TTC39B: variants seen among roughly 807,000 people sequenced by gnomAD.
TTC39B encodes the protein tetratricopeptide repeat domain 39B.
TTC39B carries 92 observed loss-of-function variants against 96.6 expected under a neutral mutation model. The ratio of observed to expected loss-of-function variants is 0.95; its 90% CI spans 0.80 to 1.13. The LOEUF (loss-of-function observed/expected upper bound fraction) is 1.13. TTC39B is among the 50% of genes most tolerant of loss of function. TTC39B has a pLI of 0.00. For synonymous variants in TTC39B, 367 were observed against 299.4 expected (o/e 1.23, Z -2.33); for missense variants, 955 against 809.3 (o/e 1.18, Z -2.18).
chr9:15,241,307 A>AG (rs1564380078), intron 2 of TTC39B, among the ~76,000 whole-genome samples: 2 of 151,986 alleles, frequency 1.3e-5, no homozygotes, highest in Non-Finnish European at 2.9e-5. Context: ...AAAAAAAAAA[A>AG]CTCTGCAAAA....
At chr9:15,281,625 C>CAAAAAAAAAAAAAAAAAAAAAAAA (rs1161175672) in intron 1 of TTC39B, among the ~76,000 whole-genome samples, 2 of 49,008 alleles carry the variant, frequency 4.1e-5, no homozygotes, top group African/African-American at 1.9e-4. Flanking sequence ...CCTGCAACAG[C>CAAAAAAAAAAAAAAAAAAAAAAAA]AAAAAAAAAA....
chr9:15,279,801 C>T (rs1296751517), intron 1 of TTC39B, among the ~76,000 whole-genome samples: 2 of 151,582 alleles, frequency 1.3e-5, no homozygotes, highest in Non-Finnish European at 2.9e-5. Flanking sequence ...ATAGATCAGT[C>T]TATTACTATT....
At chr9:15,200,520 T>G (rs1192687372) in intron 7 of TTC39B, among the ~76,000 whole-genome samples, 1 of 152,260 alleles carries the variant, frequency 6.6e-6, no homozygotes, top group Non-Finnish European at 1.5e-5. Flanking sequence ...CTGATTGTCA[T>G]CGACCATAAA....
chr9:15,233,589 C>G (rs574235475), intron 2 of TTC39B, among the ~76,000 whole-genome samples: 1 of 151,572 alleles, frequency 6.6e-6, no homozygotes, highest in Non-Finnish European at 1.5e-5. Context: ...AGCTCCTAAC[C>G]GCCAGTGATC....
chr9:15,201,432 T>C (rs1164656552), intron 7 of TTC39B, among the ~76,000 whole-genome samples: 1 of 152,132 alleles, frequency 6.6e-6, no homozygotes, highest in East Asian at 1.9e-4. Flanking sequence ...ATGCATGGGA[T>C]GTCATGAGAA....
intron 2 of TTC39B, among the ~76,000 whole-genome samples, chr9:15,255,755 G>A (rs770791545): frequency 3.3e-5 from 5 of 152,128 alleles, no homozygotes; most frequent in Non-Finnish European, 7.4e-5. Flanking sequence ...TATGGATAGT[G>A]TTTACTATGC....
At chr9:15,303,048 G>C (rs1357997935) in intron 1 of TTC39B, among the ~76,000 whole-genome samples, 3 of 149,200 alleles carry the variant, frequency 2.0e-5, no homozygotes, top group Non-Finnish European at 4.5e-5. Context: ...CGCACATGTA[G>C]TCCCAGCTAC....
At chr9:15,285,302 C>T (rs974335246) in intron 1 of TTC39B, among the ~76,000 whole-genome samples, 1 of 151,910 alleles carries the variant, frequency 6.6e-6, no homozygotes, top group Non-Finnish European at 1.5e-5. Context: ...CCTTTCATGC[C>T]CAGTGTATTT....
intron 4 of TTC39B, 137 bp downstream of exon 4, chr9:15,214,002 C>T: frequency 1.9e-6 from 1 of 525,486 alleles, no homozygotes; most frequent in Non-Finnish European, 3.2e-6. Context: ...TAAAAGTGAC[C>T]AAAGTAAAGA....
chr9:15,210,013 C>T, intron 6 of TTC39B, 75 bp downstream of exon 6: 1 of 1,057,652 alleles, frequency 9.5e-7, no homozygotes, highest in South Asian at 1.4e-5. Context: ...TTATATACTT[C>T]AGGATGGAAT....
intron 2 of TTC39B, among the ~76,000 whole-genome samples, chr9:15,237,222 G>A (rs1016969358): frequency 6.6e-6 from 1 of 152,194 alleles, no homozygotes; most frequent in Non-Finnish European, 1.5e-5. Context: ...GGCTGAGGCA[G>A]GAGAATTACT....
At chr9:15,301,583 C>T (rs1362481687) in intron 1 of TTC39B, among the ~76,000 whole-genome samples, 1 of 151,904 alleles carries the variant, frequency 6.6e-6, no homozygotes, top group Non-Finnish European at 1.5e-5. Flanking sequence ...GGAGAAACCC[C>T]GTCTCTATTA....
At chr9:15,174,262 AG>A (rs1817810964) in intron 19 of TTC39B, among the ~76,000 whole-genome samples, 1 of 13,890 alleles carries the variant, frequency 7.2e-5, no homozygotes, top group South Asian at 2.9e-3. Context: ...AGCCTTTACT[AG>A]TAGTGTCTGA....
intron 2 of TTC39B, among the ~76,000 whole-genome samples, chr9:15,237,344 G>C (rs1249991398): frequency 2.0e-5 from 3 of 152,016 alleles, no homozygotes; most frequent in Admixed American, 6.6e-5. Flanking sequence ...GAACCGAAAA[G>C]TCGGTTCTTC....
chr9:15,267,939 C>T (rs754168316), exon 2 of TTC39B: 24 of 1,610,204 alleles, frequency 1.5e-5, no homozygotes, highest in South Asian at 1.4e-4. Flanking sequence ...AAGGCATCTT[C>T]GAAAACGTCC....
chr9:15,234,123 C>G (rs1396688146), intron 2 of TTC39B, among the ~76,000 whole-genome samples: 3 of 150,902 alleles, frequency 2.0e-5, no homozygotes, highest in Admixed American at 2.0e-4. Context: ...TGCCCGGCCG[C>G]CCCGTCTGAG....
At chr9:15,286,737 A>G (rs990138529) in intron 1 of TTC39B, among the ~76,000 whole-genome samples, 6 of 152,104 alleles carry the variant, frequency 3.9e-5, no homozygotes, top group Non-Finnish European at 7.4e-5. Flanking sequence ...ATTCCTGCCA[A>G]TCTGTCTCTG....
At chr9:15,171,833 T>C in exon 20 of TTC39B, 1 of 401,622 alleles carries the variant, frequency 2.5e-6, no homozygotes, top group Non-Finnish European at 4.5e-6. Context: ...TAATATAGAA[T>C]GCCATTCCAT....
chr9:15,301,157 T>G (rs754112805), intron 1 of TTC39B, among the ~76,000 whole-genome samples: 2 of 152,260 alleles, frequency 1.3e-5, no homozygotes, highest in South Asian at 2.1e-4. Context: ...CATCTCTCCT[T>G]TCAAGTCTTT....
Sources: gnomAD v4.1 joint callset for allele counts (sites outside exome capture counted in the v4.1 genomes callset) on GRCh38, gnomAD v4.1.1 for gene constraint, MANE v1.5 for transcripts, NCBI Gene and HGNC (gene_info 2026-07-23, HGNC 2026-07-21) for gene names.